The following EPS15L1 variants were observed in gnomAD, a reference collection of about 807,000 sequenced individuals.
EPS15L1 encodes the protein epidermal growth factor receptor substrate 15-like 1.
EPS15L1 carries 43 observed loss-of-function variants against 117.1 expected under a neutral mutation model. The observed-to-expected ratio is 0.37, with a 90% confidence interval of 0.29 to 0.47. EPS15L1 has a LOEUF of 0.47. Ranked by LOEUF, EPS15L1 falls within the 20% of genes least tolerant of loss-of-function variation. EPS15L1 has a pLI of 0.99. For missense variants in EPS15L1, 981 were observed against 1,164.0 expected (o/e 0.84, Z 2.29); for synonymous variants, 459 against 470.5 (o/e 0.98, Z 0.32).
intron 16 of EPS15L1, chr19:16,401,865 A>T: frequency 1.0e-6 from 1 of 988,226 alleles, no homozygotes; most frequent in Non-Finnish European, 1.2e-6. Context: ...CCTCATCTTT[A>T]GCAACACATT....
rs547527580 is a variant in EPS15L1, at chr19:16,375,493, T to C, written c.2380+1629A>G. ...GTGTGTGTGTGTGTGTGTGTGTGTG[T>C]GCTTCTGCTCCCATCTTTTAGGCAG... On this transcript the variant is annotated intron_variant, in intron 22 of 23. Coordinates refer to ENST00000455140, the MANE Select transcript of EPS15L1 (RefSeq NM_001258374.3). 2.7e-4 allele frequency among the ~76,000 whole-genome samples: 40 copies of C among 147,168 alleles called. 1 individual carries two copies. The highest frequency in any genetic ancestry group is 6.0e-4 in the East Asian group (3 of 5,008).
At chr19:16,425,438 G>T in intron 8 of EPS15L1, 122 bp from the exon 9 acceptor site, 2 of 684,932 alleles carry the variant, frequency 2.9e-6, no homozygotes, top group Non-Finnish European at 5.2e-6. Context: ...ACGCTCCCAA[G>T]CTGACCAGAG....
chr19:16,427,242 G>A (rs1210563725), intron 8 of EPS15L1, among the ~76,000 whole-genome samples: 1 of 152,148 alleles, frequency 6.6e-6, no homozygotes, highest in Non-Finnish European at 1.5e-5. Context: ...GGGTGTTCAC[G>A]TCACTGCACT....
At chr19:16,417,840 C>G in intron 11 of EPS15L1, 108 bp downstream of exon 11, 1 of 1,460,214 alleles carries the variant, frequency 6.8e-7, no homozygotes, top group Admixed American at 2.0e-5. Flanking sequence ...AGGCAGGGAC[C>G]ACAGGCAGCA....
At chr19:16,400,080 T>C (rs544826228) in intron 16 of EPS15L1, among the ~76,000 whole-genome samples, 5 of 152,166 alleles carry the variant, frequency 3.3e-5, no homozygotes, top group Non-Finnish European at 5.9e-5. Flanking sequence ...CTCACGCCTG[T>C]AATCCCAGCA....
chr19:16,471,900 G>A lies in EPS15L1; in HGVS notation c.33+13C>T. Reference sequence around the variant, plus strand: ...GCACCCCGGCGCCGCCCCCAGGCCCGCCCGGCCCGTACCTGCTGGGAGAGG... The same window carrying A: ...GCACCCCGGCGCCGCCCCCAGGCCCACCCGGCCCGTACCTGCTGGGAGAGG... On this transcript the variant is annotated intron_variant, in intron 1 of 23. Transcript: ENST00000455140. The surrounding 1 kb of genome is among the most constrained non-coding windows in gnomAD (Gnocchi z 4.8). 2.3e-6 allele frequency: 3 copies of A among 1,300,946 alleles called. No individual in the cohort carries two copies. The highest frequency in any genetic ancestry group is 2.9e-6 in the Non-Finnish European group (3 of 1,023,824). The allele number at this position is 1,300,946 out of a possible 1,614,324, so 80.6% of individuals were successfully genotyped here.
chr19:16,456,589 T>C (rs1418065608), intron 1 of EPS15L1, among the ~76,000 whole-genome samples: 1 of 150,672 alleles, frequency 6.6e-6, no homozygotes, highest in African/African-American at 2.4e-5. Context: ...CCCAGGAGGC[T>C]AGAGGTTGCA....
chr19:16,440,380 C>G (rs1294224570), intron 4 of EPS15L1, among the ~76,000 whole-genome samples: 1 of 151,940 alleles, frequency 6.6e-6, no homozygotes, highest in African/African-American at 2.4e-5. Context: ...TTGCAGTGAG[C>G]CGAGATTGCA....
intron 6 of EPS15L1, chr19:16,436,549 T>C (rs1879529226): frequency 5.8e-6 from 1 of 173,530 alleles, no homozygotes. Context: ...GGGACACATT[T>C]GGGGGTCCAC....
At chr19:16,362,083 C>A in intron 22 of EPS15L1, 99 bp from the exon 23 acceptor site, 2 of 1,267,830 alleles carry the variant, frequency 1.6e-6, no homozygotes, top group Non-Finnish European at 2.1e-6. Flanking sequence ...CGGGGCGCTT[C>A]TCTGAGAAAA....
chr19:16,461,346 C>T (rs2093249548), intron 1 of EPS15L1, among the ~76,000 whole-genome samples: 1 of 148,760 alleles, frequency 6.7e-6, no homozygotes, highest in Admixed American at 6.8e-5. Flanking sequence ...GCCAGCTGGG[C>T]ATAGTGGCTG....
chr19:16,398,950 C>T (rs1490860420), intron 16 of EPS15L1, among the ~76,000 whole-genome samples: 1 of 152,222 alleles, frequency 6.6e-6, no homozygotes, highest in Non-Finnish European at 1.5e-5. Flanking sequence ...CACTCGCCAC[C>T]ATGCCTGGCT....
At chr19:16,440,214 C>T (rs1189328332) in intron 4 of EPS15L1, among the ~76,000 whole-genome samples, 2 of 152,082 alleles carry the variant, frequency 1.3e-5, no homozygotes, top group East Asian at 1.9e-4. Flanking sequence ...GGGCAGATCA[C>T]CTGAGGTCAG....
chr19:16,408,773 C>G (rs1012204544), intron 13 of EPS15L1, among the ~76,000 whole-genome samples: 2 of 152,070 alleles, frequency 1.3e-5, no homozygotes, highest in African/African-American at 4.8e-5. Context: ...TTTTACAGGG[C>G]TGCAGTAATC....
chr19:16,437,710 TACAC>T, intron 5 of EPS15L1, 56 bp downstream of exon 5: 31 of 1,145,704 alleles, frequency 2.7e-5, no homozygotes, highest in Middle Eastern at 2.0e-4. Flanking sequence ...CACATGCACA[TACAC>T]ACACACACAC....
At chr19:16,356,309 TTC>T (rs1363153652) in intron 23 of EPS15L1, 3 of 162,554 alleles carry the variant, frequency 1.8e-5, no homozygotes, top group East Asian at 1.8e-4. Context: ...CATTTTCTTT[TTC>T]TTTTTCTTTT....
chr19:16,418,146 C>G (rs755620881), intron 10 of EPS15L1, 42 bp from the exon 11 acceptor site: 6 of 1,575,492 alleles, frequency 3.8e-6, no homozygotes, highest in Non-Finnish European at 5.2e-6. Context: ...TCACAGGCGC[C>G]GACTCAGCCT....
At position 16,403,904 on chromosome 19, in the gene EPS15L1, T is replaced by C. The variant is rs568168176; in HGVS notation, c.1455A>G (p.Gln485=). 3.7e-6 allele frequency: 6 copies of C among 1,614,020 alleles called. No individual in the cohort carries two copies. In the African/African-American group the frequency reaches 4.0e-5, roughly 11 times the overall value. Reference sequence around the variant, plus strand: ...GGGACTTTAAGTCAGATTCCTGAGATTGGATTTGCGTTTTCAGTGATGAGA... The same window carrying C: ...GGGACTTTAAGTCAGATTCCTGAGACTGGATTTGCGTTTTCAGTGATGAGA... ...QMISSLKTQI[Q]SQESDLKSQE... is the part of the protein sequence containing the mutation. The change falls in exon 15 of 24, where the codon CAA becomes CAG. Residue 485 remains glutamine, a synonymous_variant. Transcript: ENST00000455140.
chr19:16,396,319 T>C (rs937227477), intron 16 of EPS15L1, among the ~76,000 whole-genome samples: 4 of 152,326 alleles, frequency 2.6e-5, no homozygotes, highest in African/African-American at 7.2e-5. Flanking sequence ...TGGAGTGCAG[T>C]TGCACACTCA....
Sources: gnomAD v4.1 joint callset for allele counts (sites outside exome capture counted in the v4.1 genomes callset) on GRCh38, gnomAD v4.1.1 for gene constraint, Gnocchi (gnomAD v3.1) non-coding constraint, MANE v1.5 for transcripts, NCBI Gene and HGNC (gene_info 2026-07-23, HGNC 2026-07-21) for gene names.